The following SURF4 variants were observed in gnomAD, a reference collection of about 807,000 sequenced individuals.
The protein encoded by SURF4 is surfeit locus protein 4.
SURF4 carries 3 observed loss-of-function variants against 30.0 expected under a neutral mutation model. The observed-to-expected ratio is 0.10, with a 90% confidence interval of 0.05 to 0.26. The LOEUF (loss-of-function observed/expected upper bound fraction) is 0.26. Among genes scored for constraint, SURF4 ranks in the 10% least tolerant of loss-of-function variants. SURF4 has a pLI of 1.00. For missense variants in SURF4, 217 were observed against 350.8 expected (o/e 0.62, Z 3.05); for synonymous variants, 143 against 139.9 (o/e 1.02, Z -0.16).
At chr9:133,371,559 G>A (rs1238977648) in intron 1 of SURF4, among the ~76,000 whole-genome samples, 2 of 152,216 alleles carry the variant, frequency 1.3e-5, no homozygotes, top group Non-Finnish European at 2.9e-5. Flanking sequence ...GAGGAGCCCC[G>A]CTAACCACAA....
At chr9:133,375,320 C>G in intron 1 of SURF4, 2 of 985,154 alleles carry the variant, frequency 2.0e-6, no homozygotes, top group Non-Finnish European at 1.2e-6. Flanking sequence ...CTCAATCCAG[C>G]CCAGGGCAGA....
chr9:133,376,856 C>T (rs1194687015), upstream of SURF4, among the ~76,000 whole-genome samples: 7 of 152,186 alleles, frequency 4.6e-5, no homozygotes, highest in African/African-American at 1.7e-4. Flanking sequence ...CTTGGGTCCA[C>T]CGAGGCAGGA....
In SURF4 at chr9:133,374,449, T is replaced by C. The variant is rs2130224064; in HGVS notation, c.48+1473A>G. Among the ~76,000 whole-genome samples, 13 of 151,736 alleles carry C rather than the reference T, an allele frequency of 8.6e-5. No individual in the cohort carries two copies. In the East Asian group the frequency reaches 2.5e-3, roughly 29 times the overall value. ...GACGGTGCATGCCTGTAATCCCAGCTACTCGGGAGGCTGAGGCAGGAGAAT... is the reference window on the plus strand; with the variant it reads ...GACGGTGCATGCCTGTAATCCCAGCCACTCGGGAGGCTGAGGCAGGAGAAT... On this transcript the variant is annotated intron_variant, in intron 1 of 5. Coordinates refer to ENST00000371989, the MANE Select transcript of SURF4 (RefSeq NM_033161.4).
At chr9:133,376,086 T>TCGGCTGCGGCTCCAG, upstream of SURF4, 1 of 1,192,508 alleles carries the variant, frequency 8.4e-7, no homozygotes. Context: ...TCGCTCCGCG[T>TCGGCTGCGGCTCCAG]CGGCTGCGGC....
At chr9:133,367,992 G>A (rs2130153067) in intron 1 of SURF4, among the ~76,000 whole-genome samples, 44 of 152,330 alleles carry the variant, frequency 2.9e-4, no homozygotes, top group African/African-American at 1.0e-3. Context: ...GTCTGCCCAC[G>A]ACATGCCAGC....
rs2130086266 is a variant in SURF4 at position 133,363,439 on chromosome 9, A to T, written c.*54T>A. On this transcript the variant is annotated 3_prime_UTR_variant, in exon 6 of 6. Coordinates refer to ENST00000371989, the MANE Select transcript of SURF4 (RefSeq NM_033161.4). This position sits in a 1 kb window ranked among gnomAD's most constrained non-coding sequence, Gnocchi z 4.3. ...TGGCAGTTTTGTTGAATCCACCCCGAACCAGTCCTTGACGGCCACGGGTCT... is the reference window on the plus strand; with the variant it reads ...TGGCAGTTTTGTTGAATCCACCCCGTACCAGTCCTTGACGGCCACGGGTCT... 36 of 1,614,018 alleles carry T rather than the reference A, an allele frequency of 2.2e-5. No individual in the cohort carries two copies. The highest frequency in any genetic ancestry group is 3.3e-5 in the Admixed American group (2 of 59,988).
At chr9:133,364,423 G>C (rs2130102385) in intron 5 of SURF4, among the ~76,000 whole-genome samples, 1 of 152,154 alleles carries the variant, frequency 6.6e-6, no homozygotes, top group East Asian at 1.9e-4. Context: ...GAGCACGGTG[G>C]CTCACGCCTG....
chr9:133,372,384 T>A (rs1037906824), intron 1 of SURF4, among the ~76,000 whole-genome samples: 1 of 152,230 alleles, frequency 6.6e-6, no homozygotes, highest in Non-Finnish European at 1.5e-5. Flanking sequence ...GGTAACAGGA[T>A]GCGGACTCAG....
chr9:133,376,288 T>C, upstream of SURF4: 1 of 1,334,754 alleles, frequency 7.5e-7, no homozygotes, highest in Admixed American at 4.2e-5. Flanking sequence ...CTGCGGTCCC[T>C]CCCGGCCCGG....
intron 1 of SURF4, chr9:133,375,318 A>G: frequency 1.0e-6 from 1 of 985,168 alleles, no homozygotes; most frequent in Non-Finnish European, 1.2e-6. Flanking sequence ...CACTCAATCC[A>G]GCCCAGGGCA....
chr9:133,367,304 G>T lies in SURF4; in HGVS notation c.190C>A (p.Leu64Met). 1 of 1,614,244 alleles carries T rather than the reference G, an allele frequency of 6.2e-7. No individual in the cohort carries two copies. Among genetic ancestry groups the T allele is most frequent in the Non-Finnish European group, 8.5e-7 (1 of 1,180,054 alleles). The change falls in exon 2 of 6, where the codon CTG becomes ATG. Residue 64 changes from leucine (L) to methionine (M), a missense_variant. Leu to Met is a conservative substitution (Grantham distance 15). Coordinates refer to ENST00000371989, the MANE Select transcript of SURF4 (RefSeq NM_033161.4). Reference sequence around the variant, plus strand: ...AGGAAGACGAAGGACGAGGCCAGCAGGTAGCCGCAGTTCCAGGTGGTGTCG... The same window carrying T: ...AGGAAGACGAAGGACGAGGCCAGCATGTAGCCGCAGTTCCAGGTGGTGTCG... ...YIDTTWNCGY[L>M]LASSFVFLNL...
At chr9:133,376,463 C>T, upstream of SURF4, 1 of 1,573,578 alleles carries the variant, frequency 6.4e-7, no homozygotes, top group South Asian at 1.2e-5. Flanking sequence ...CGTACGCGGT[C>T]GCTACTGATC....
chr9:133,363,611 A>G lies in SURF4; in HGVS notation c.692T>C (p.Met231Thr). 2 of 1,614,200 alleles carry G rather than the reference A, an allele frequency of 1.2e-6. No homozygotes were observed. Among genetic ancestry groups the G allele is most frequent in the Non-Finnish European group, 1.7e-6 (2 of 1,180,032 alleles). Reference protein sequence around the residue: ...AFWTIPVYKPMHDFLKYDFFQ... With the variant: ...AFWTIPVYKPTHDFLKYDFFQ... ...GAAGTCGTATTTCAGGAAGTCATGC[A>G]TGGGCTTGTAGACTGGAATGGTCCA... Residue 231 changes from methionine (M) to threonine (T), a missense_variant, in exon 6 of 6, where the codon ATG becomes ACG. Coordinates refer to ENST00000371989, the MANE Select transcript of SURF4 (RefSeq NM_033161.4). The surrounding 1 kb of genome is among the most constrained non-coding windows in gnomAD (Gnocchi z 4.3).
intron 1 of SURF4, among the ~76,000 whole-genome samples, chr9:133,368,921 G>A (rs1411663067): frequency 3.3e-5 from 5 of 152,212 alleles, no homozygotes; most frequent in African/African-American, 7.2e-5. Context: ...GGAGGCGAGC[G>A]AACGTCAGCT....
intron 1 of SURF4, chr9:133,375,329 G>C (rs1268066404): frequency 2.0e-6 from 2 of 983,626 alleles, no homozygotes; most frequent in Non-Finnish European, 2.4e-6. Flanking sequence ...GCCCAGGGCA[G>C]AGTCCAAACG....
chr9:133,373,361 G>A (rs1262351892), intron 1 of SURF4, among the ~76,000 whole-genome samples: 1 of 152,206 alleles, frequency 6.6e-6, no homozygotes, highest in Non-Finnish European at 1.5e-5. Flanking sequence ...AACTTTAGGA[G>A]GCCAAGGCGG....
chr9:133,366,827 G>T, intron 2 of SURF4, 152 bp from the exon 3 acceptor site: 1 of 671,426 alleles, frequency 1.5e-6, no homozygotes, highest in Non-Finnish European at 2.6e-6. Flanking sequence ...ATTAATGATA[G>T]GCAAGGACCA....
intron 1 of SURF4, chr9:133,371,004 T>C: frequency 7.8e-7 from 1 of 1,285,088 alleles, no homozygotes. Flanking sequence ...GGGGTGGTTA[T>C]TTTAGACGAC....
intron 1 of SURF4, chr9:133,372,538 T>C (rs1837565942): frequency 1.1e-6 from 1 of 942,456 alleles, no homozygotes; most frequent in Non-Finnish European, 1.3e-6. Context: ...AGACTTAATG[T>C]CATTGTCATA....
Sources: gnomAD v4.1 joint callset for allele counts (sites outside exome capture counted in the v4.1 genomes callset) on GRCh38, gnomAD v4.1.1 for gene constraint, Gnocchi (gnomAD v3.1) non-coding constraint, MANE v1.5 for transcripts, NCBI Gene and HGNC (gene_info 2026-07-23, HGNC 2026-07-21) for gene names.